Variants in PCDH19 observed in about 807,000 individuals in gnomAD.
The protein encoded by PCDH19 is protocadherin-19.
A neutral mutation model predicts 46.2 loss-of-function variants in PCDH19; 6 were observed. The ratio of observed to expected loss-of-function variants is 0.13; its 90% confidence interval spans 0.07 to 0.26. The LOEUF (loss-of-function observed/expected upper bound fraction) is 0.26, where lower values mean the gene tolerates loss of function less well. PCDH19 is among the 10% of genes least tolerant of loss of function. The pLI is 1.00. For synonymous variants in PCDH19, 481 were observed against 415.7 expected (o/e 1.16, Z -1.91); for missense variants, 740 against 972.3 (o/e 0.76, Z 3.18).
chrX:100,337,901 C>T (rs187702104), intron 5 of PCDH19, among the ~76,000 whole-genome samples: 28 of 112,134 alleles, frequency 2.5e-4, no homozygotes, highest in Admixed American at 2.5e-3. Context: ...TGAAGCATCA[C>T]ATTGTACCCC....
chrX:100,403,344 C>G (rs1016787416), intron 2 of PCDH19, among the ~76,000 whole-genome samples, 180 bp downstream of exon 2: 1 of 108,839 alleles, frequency 9.2e-6, no homozygotes, highest in Non-Finnish European at 1.9e-5. Context: ...TCAGCTTCCT[C>G]TATGACTCAC....
rs1569312833 is a variant in PCDH19 at position 100,402,576 on chromosome X, C to CTGT, written c.2561_2563dup (p.Asn854dup). The CTGT allele has an allele frequency of 2.2e-5, 27 of 1,211,600 alleles. No individual in the cohort carries two copies. The highest frequency in any genetic ancestry group is 2.9e-5 in the Non-Finnish European group (26 of 895,416). On this transcript the variant is annotated inframe_insertion, in exon 3 of 6. Transcript: ENST00000373034. Reference sequence around the variant, plus strand: ...CAGGTCAGGCTGCTGGGGCCCCTGGCTGTTGAAAGAGTGATGGTAGATGTG... The same window carrying CTGT: ...CAGGTCAGGCTGCTGGGGCCCCTGGCTGTTGTTGAAAGAGTGATGGTAGATGTG...
chrX:100,317,596 TAAA>T (rs55887431), intron 5 of PCDH19, among the ~76,000 whole-genome samples: 2 of 95,337 alleles, frequency 2.1e-5, no homozygotes, highest in Non-Finnish European at 4.2e-5. Context: ...TCACCATATT[TAAA>T]AAAAAAAAAA....
chrX:100,406,117 C>T (rs1928336863), intron 1 of PCDH19, among the ~76,000 whole-genome samples: 1 of 111,162 alleles, frequency 9.0e-6, no homozygotes, highest in Non-Finnish European at 1.9e-5. Flanking sequence ...AATATGATCT[C>T]TCTCTCTCTC....
At chrX:100,355,309 T>C (rs1274389667) in intron 3 of PCDH19, among the ~76,000 whole-genome samples, 1 of 111,552 alleles carries the variant, frequency 9.0e-6, no homozygotes, top group East Asian at 2.8e-4. Flanking sequence ...TATTGGTTAC[T>C]TAGGAGCATC....
chrX:100,390,119 G>A (rs1927822503), intron 3 of PCDH19, among the ~76,000 whole-genome samples: 2 of 111,500 alleles, frequency 1.8e-5, no homozygotes, highest in Non-Finnish European at 3.8e-5. Context: ...TGTCTCCTCA[G>A]TGGCAATATA....
Position 100,409,946 on chromosome X carries a change from C to T in PCDH19, c.-1349G>A, listed in dbSNP as rs1928548072. The T allele has an allele frequency of 3.2e-6, 1 of 315,699 alleles. No homozygotes were observed. The highest frequency in any genetic ancestry group is 5.4e-6 in the Non-Finnish European group (1 of 185,297). 26.0% of individuals were successfully genotyped at this position (315,699 alleles called of 1,213,427 possible). A position where few individuals can be genotyped will look rare whatever the true frequency, so the allele number is the denominator to read the frequency against. ...GGTCTGTCTCGCTTTCTCTGTCTGTCTCGGGCTGTGTGTGAATGTGTGAGA... is the reference window on the plus strand; with the variant it reads ...GGTCTGTCTCGCTTTCTCTGTCTGTTTCGGGCTGTGTGTGAATGTGTGAGA... On this transcript the variant is annotated 5_prime_UTR_variant, in exon 1 of 6. Coordinates refer to ENST00000373034, the MANE Select transcript of PCDH19 (RefSeq NM_001184880.2).
intron 4 of PCDH19, among the ~76,000 whole-genome samples, chrX:100,345,758 C>G (rs1302509822): frequency 8.9e-6 from 1 of 111,782 alleles, no homozygotes; most frequent in African/African-American, 3.2e-5. Context: ...GGTATAACAA[C>G]TCCCCCAAAC....
chrX:100,347,043 T>C (rs1926425018), intron 4 of PCDH19, among the ~76,000 whole-genome samples: 1 of 109,548 alleles, frequency 9.1e-6, no homozygotes, highest in Admixed American at 9.8e-5. Context: ...CCTCCTTGGG[T>C]ACACCTGCGG....
intron 4 of PCDH19, among the ~76,000 whole-genome samples, chrX:100,348,952 G>T (rs1926493634): frequency 9.7e-6 from 1 of 102,880 alleles, no homozygotes; most frequent in African/African-American, 3.7e-5. Flanking sequence ...AGATGGTGGG[G>T]GGTGGGGGGG....
intron 4 of PCDH19, among the ~76,000 whole-genome samples, chrX:100,346,915 C>A (rs982680401): frequency 2.7e-5 from 3 of 110,990 alleles, no homozygotes; most frequent in African/African-American, 9.9e-5. Context: ...CGACAAAGTA[C>A]CACTGCTGGC....
chrX:100,347,948 C>T (rs1045347729), intron 4 of PCDH19, among the ~76,000 whole-genome samples: 2 of 106,506 alleles, frequency 1.9e-5, no homozygotes, highest in Admixed American at 2.0e-4. Flanking sequence ...TGCCTGTAAT[C>T]CCAGCTACTC....
At chrX:100,331,455 G>GA (rs1230771127) in intron 5 of PCDH19, among the ~76,000 whole-genome samples, 1 of 111,834 alleles carries the variant, frequency 8.9e-6, no homozygotes, top group Non-Finnish European at 1.9e-5. Context: ...CCCAGAAGAA[G>GA]AACCTGTGTG....
intron 3 of PCDH19, among the ~76,000 whole-genome samples, chrX:100,371,046 T>C (rs1299583798): frequency 9.0e-6 from 1 of 110,501 alleles, no homozygotes; most frequent in Non-Finnish European, 1.9e-5. Context: ...TATGCATGTG[T>C]TTAAACTCAA....
rs371170981 is a variant in PCDH19, at chrX:100,335,083, G to T, written c.2848+6820C>A. 3.6e-5 allele frequency among the ~76,000 whole-genome samples: 4 copies of T among 111,110 alleles called. No individual in the cohort carries two copies. The East Asian group carries it at 8.4e-4, about 23-fold the overall frequency. The stretch of plus-strand genomic sequence containing the variant: ...AGCAAAGAAATTCTAACAACAGGGA[G>T]GTTTCCATTAGTGAAGAACAACTTT... On this transcript the variant is annotated intron_variant, in intron 5 of 5. Transcript: ENST00000373034.
At chrX:100,332,664 T>A (rs2147476344) in intron 5 of PCDH19, among the ~76,000 whole-genome samples, 1 of 111,947 alleles carries the variant, frequency 8.9e-6, no homozygotes, top group South Asian at 3.7e-4. Flanking sequence ...TTTAGATTTA[T>A]CATTTCCCAT....
At chrX:100,378,225 T>C (rs1429973359) in intron 3 of PCDH19, among the ~76,000 whole-genome samples, 2 of 112,887 alleles carry the variant, frequency 1.8e-5, no homozygotes, top group African/African-American at 6.4e-5. Flanking sequence ...TTAAATGTCC[T>C]TTGTGTTTAG....
chrX:100,407,596 G>A lies in PCDH19; in HGVS notation c.1002C>T (p.Val334=), dbSNP rs945213958. The change falls in exon 1 of 6, where the codon GTC becomes GTT. Residue 334 remains valine (V), a synonymous_variant. Coordinates refer to ENST00000373034, the MANE Select transcript of PCDH19 (RefSeq NM_001184880.2). ...NSIPAHCKVT[V]SVLDTNDNPP... Reference sequence around the variant, plus strand: ...GATTGTCATTGGTGTCCAGCACGCTGACGGTGACCTTGCAGTGTGCCGGGA... The same window carrying A: ...GATTGTCATTGGTGTCCAGCACGCTAACGGTGACCTTGCAGTGTGCCGGGA... The A allele has an allele frequency of 4.1e-6, 5 of 1,211,856 alleles. No individual in the cohort carries two copies. The South Asian group carries it at 7.0e-5, about 17-fold the overall frequency.
intron 5 of PCDH19, among the ~76,000 whole-genome samples, chrX:100,311,810 A>T (rs766075629): frequency 9.0e-6 from 1 of 110,870 alleles, no homozygotes; most frequent in East Asian, 2.9e-4. Context: ...TTACCAATAG[A>T]GGCGTCATAA....
Sources: allele counts gnomAD v4.1 joint callset (sites outside exome capture counted in the v4.1 genomes callset), GRCh38; gene constraint gnomAD v4.1.1; transcripts MANE v1.5; gene names NCBI Gene and HGNC (gene_info 2026-07-23, HGNC 2026-07-21).